BTBD10: variants seen among roughly 807,000 people sequenced by gnomAD.
The protein encoded by BTBD10 is BTB/POZ domain-containing protein 10.
Under a neutral mutation model 53.2 loss-of-function variants are expected in BTBD10, and 21 were observed. That is an observed-to-expected ratio of 0.39 (90% CI 0.28 to 0.57). BTBD10 has a LOEUF of 0.57. Among genes scored for constraint, BTBD10 ranks in the 20% least tolerant of loss-of-function variants. BTBD10 has a pLI of 0.53. For synonymous variants in BTBD10, 149 were observed against 192.7 expected (o/e 0.77, Z 1.88); for missense variants, 360 against 594.7 (o/e 0.61, Z 4.10).
chr11:13,428,859 T>C (rs1239150478), intron 2 of BTBD10, among the ~76,000 whole-genome samples: 1 of 152,120 alleles, frequency 6.6e-6, no homozygotes, highest in Non-Finnish European at 1.5e-5. Flanking sequence ...GAAAACATGA[T>C]CATCTATTGT....
At chr11:13,430,437 A>C (rs1001213623) in intron 2 of BTBD10, among the ~76,000 whole-genome samples, 1 of 152,212 alleles carries the variant, frequency 6.6e-6, no homozygotes, top group Non-Finnish European at 1.5e-5. Context: ...AAAATGGTAC[A>C]ACCATTTTAG....
Position 13,463,203 on chromosome 11 carries a change from G to T in BTBD10, c.-169C>A, listed in dbSNP as rs1234088992. On this transcript the variant is annotated 5_prime_UTR_variant, in exon 1 of 9. Transcript: ENST00000278174. Reference sequence around the variant, plus strand: ...GATCCCTCCGGAGGTGGCTGTGGAGGAAGCCACTGAGGCGGCTGCGCGTAG... The same window carrying T: ...GATCCCTCCGGAGGTGGCTGTGGAGTAAGCCACTGAGGCGGCTGCGCGTAG... 2 of 149,196 alleles carry T rather than the reference G, an allele frequency of 1.3e-5. No homozygotes were observed. Among genetic ancestry groups the T allele is most frequent in the East Asian group, 2.1e-4 (1 of 4,714 alleles). 9.2% of individuals were successfully genotyped at this position (149,196 alleles called of 1,614,324 possible).
chr11:13,405,900 A>T (rs148415553), intron 6 of BTBD10, 44 bp from the exon 7 acceptor site: 4 of 1,582,526 alleles, frequency 2.5e-6, no homozygotes, highest in Non-Finnish European at 3.5e-6. Flanking sequence ...ACTTTTCCTA[A>T]AAAGAGTTCT....
intron 6 of BTBD10, among the ~76,000 whole-genome samples, chr11:13,407,735 T>G (rs1052186066): frequency 6.6e-6 from 1 of 152,114 alleles, no homozygotes; most frequent in Admixed American, 6.5e-5. Context: ...CCCCTTTAAT[T>G]AGACTGGTAA....
intron 2 of BTBD10, among the ~76,000 whole-genome samples, chr11:13,426,997 C>T (rs1024632871): frequency 1.3e-5 from 2 of 152,168 alleles, no homozygotes. Context: ...TGGCAGATCA[C>T]TTGAGCCCAG....
In BTBD10 at chr11:13,405,819, A is replaced by T. The variant is rs371044722; in HGVS notation, c.846T>A (p.Arg282=). Residue 282 remains arginine, a synonymous_variant, in exon 7 of 9, where the codon CGT becomes CGA. Transcript: ENST00000278174. Reference sequence around the variant, plus strand: ...CTTCCAGATAAAATTCAAATTGTCTACGAGCACCATCATTTGATAACTCAT... The same window carrying T: ...CTTCCAGATAAAATTCAAATTGTCTTCGAGCACCATCATTTGATAACTCAT... ...LMHELSNDGA[R]RQFEFYLEEM... is the part of the protein sequence containing the mutation. 1.2e-6 allele frequency: 2 copies of T among 1,613,664 alleles called. No homozygotes were observed. Among genetic ancestry groups the T allele is most frequent in the Admixed American group, 3.3e-5 (2 of 60,002 alleles).
At chr11:13,390,583 A>T (rs1949382326) in intron 8 of BTBD10, among the ~76,000 whole-genome samples, 1 of 152,082 alleles carries the variant, frequency 6.6e-6, no homozygotes, top group South Asian at 2.1e-4. Context: ...ACCTCCAGTG[A>T]TCCTCGGCTT....
intron 8 of BTBD10, among the ~76,000 whole-genome samples, chr11:13,392,403 G>A (rs1189458053): frequency 2.0e-5 from 3 of 152,212 alleles, no homozygotes; most frequent in Admixed American, 2.0e-4. Flanking sequence ...GATGGTTTAG[G>A]AGACCCTAAC....
At chr11:13,431,339 A>G (rs1183060980) in intron 2 of BTBD10, among the ~76,000 whole-genome samples, 3 of 152,096 alleles carry the variant, frequency 2.0e-5, no homozygotes, top group Non-Finnish European at 4.4e-5. Flanking sequence ...ACCAACATAT[A>G]CTACCCAGTA....
chr11:13,406,144 T>C (rs1827844130), intron 6 of BTBD10, among the ~76,000 whole-genome samples: 1 of 152,214 alleles, frequency 6.6e-6, no homozygotes, highest in Non-Finnish European at 1.5e-5. Context: ...CCACATAAAC[T>C]GAAATAGTTC....
chr11:13,419,590 C>T lies in BTBD10; in HGVS notation c.454G>A (p.Val152Ile), dbSNP rs756403765. 1.2e-6 allele frequency: 2 copies of T among 1,613,972 alleles called. No individual in the cohort carries two copies. The highest frequency in any genetic ancestry group is 1.3e-5 in the African/African-American group (1 of 74,904). ...SCKTAGEMVFVYENAKEGARN... is the reference protein window; with the variant it reads ...SCKTAGEMVFIYENAKEGARN... ...GCTCCTTCTTTTGCATTTTCATATA[C>T]AAACACCATCTCCCCAGCTGTCTTA... The change falls in exon 4 of 9, where the codon GTA becomes ATA. Residue 152 changes from valine to isoleucine, a missense_variant. Val to Ile is a conservative substitution (Grantham distance 29). This residue lies in a region of BTBD10 where 109 missense variants were observed against 118.6 expected (regional missense o/e 0.92). Coordinates refer to ENST00000278174, the MANE Select transcript of BTBD10 (RefSeq NM_032320.7).
rs181499408 is a variant in BTBD10 at position 13,457,411 on chromosome 11, T to A, written c.-58+5681A>T. Among the ~76,000 whole-genome samples the A allele has an allele frequency of 2.0e-5, 3 of 152,156 alleles. No individual in the cohort carries two copies. The South Asian group carries it at 6.2e-4, about 31-fold the overall frequency. ...AAAGGAGTTAACTGAATAAACTACA[T>A]GCATCCACACAATAGAATAACGGAT... On this transcript the variant is annotated intron_variant, in intron 1 of 8. Transcript: ENST00000278174.
intron 3 of BTBD10, among the ~76,000 whole-genome samples, chr11:13,421,341 T>C (rs1026943987): frequency 4.6e-5 from 7 of 152,240 alleles, no homozygotes; most frequent in African/African-American, 1.7e-4. Context: ...TATTGCTATA[T>C]ATTTCATAAG....
At chr11:13,421,897 T>C (rs1950249307) in intron 2 of BTBD10, 59 bp from the exon 3 acceptor site, 1 of 1,369,648 alleles carries the variant, frequency 7.3e-7, no homozygotes, top group Non-Finnish European at 9.9e-7. Context: ...GGAAACATTT[T>C]AAAAGAAACA....
intron 1 of BTBD10, among the ~76,000 whole-genome samples, chr11:13,447,668 T>C (rs1305209766): frequency 2.6e-5 from 4 of 152,188 alleles, no homozygotes; most frequent in African/African-American, 9.7e-5. Context: ...AGCATGTATT[T>C]CACAGCAAGC....
chr11:13,389,203 C>G (rs1302135993), intron 8 of BTBD10, 62 bp from the exon 9 acceptor site: 1 of 1,418,296 alleles, frequency 7.1e-7, no homozygotes, highest in Non-Finnish European at 9.6e-7. Flanking sequence ...CCCAATTTCG[C>G]CTTAGAAAGC....
At chr11:13,443,236 T>C (rs1591163028) in intron 2 of BTBD10, among the ~76,000 whole-genome samples, 1 of 118,264 alleles carries the variant, frequency 8.5e-6, no homozygotes, top group African/African-American at 3.0e-5. Flanking sequence ...CCTGACAGAG[T>C]GAGAACCCAT....
intron 8 of BTBD10, among the ~76,000 whole-genome samples, chr11:13,393,404 T>C (rs1949456829): frequency 6.6e-6 from 1 of 152,148 alleles, no homozygotes; most frequent in African/African-American, 2.4e-5. Context: ...TTAAGGGACT[T>C]GGGATTGGTA....
intron 2 of BTBD10, among the ~76,000 whole-genome samples, chr11:13,437,894 G>C (rs1162066614): frequency 6.6e-6 from 1 of 151,946 alleles, no homozygotes; most frequent in Non-Finnish European, 1.5e-5. Context: ...TAATTTTAAG[G>C]TGTTGCATGC....
Sources: gnomAD v4.1 joint callset for allele counts (sites outside exome capture counted in the v4.1 genomes callset) on GRCh38, gnomAD v4.1.1 for gene constraint, gnomAD v4.1.1 regional missense constraint, MANE v1.5 for transcripts, NCBI Gene and HGNC (gene_info 2026-07-23, HGNC 2026-07-21) for gene names.